The following LRRC37A2 variants were observed in gnomAD, a reference collection of about 807,000 sequenced individuals.
LRRC37A2 encodes leucine rich repeat containing 37 member A2, also known as leucine-rich repeat-containing protein 37A2.
In LRRC37A2, 9 loss-of-function variants were observed where a neutral mutation model predicts 68.8. The ratio of observed to expected loss-of-function variants is 0.13; its 90% confidence interval spans 0.08 to 0.23. LRRC37A2 has a LOEUF of 0.23. Among genes scored for constraint, LRRC37A2 ranks in the 10% least tolerant of loss-of-function variants. LRRC37A2 has a pLI of 1.00. For synonymous variants in LRRC37A2, 63 were observed against 367.6 expected, an observed-to-expected ratio of 0.17 and a Z score of 9.48; for missense variants, 168 against 950.4, an observed-to-expected ratio of 0.18 and a Z score of 10.82.
At chr17:46,735,479 A>T in the LRRC37A2 span, among the ~76,000 whole-genome samples, 1 of 151,988 alleles carries the variant, frequency 6.6e-6, no homozygotes, top group Non-Finnish European at 1.5e-5. Flanking sequence ...AAAAAAAAAA[A>T]AGAAACCTAT....
the LRRC37A2 span, among the ~76,000 whole-genome samples, chr17:46,900,172 T>C: frequency 1.6e-3 from 40 of 25,392 alleles, no homozygotes; most frequent in Non-Finnish European, 2.5e-3. Flanking sequence ...CATATACATA[T>C]ATATATATAT....
the LRRC37A2 span, chr17:46,929,980 T>G: frequency 5.9e-6 from 1 of 170,858 alleles, no homozygotes; most frequent in Non-Finnish European, 1.3e-5. Flanking sequence ...CGAACAGCAA[T>G]ATTAATTAGT....
chr17:46,551,131 A>G (rs2056765212), intron 11 of LRRC37A2, among the ~76,000 whole-genome samples: 1 of 149,828 alleles, frequency 6.7e-6, no homozygotes, highest in African/African-American at 2.5e-5. Context: ...CCTCTGTGAG[A>G]TGTGTCACCA....
the LRRC37A2 span, among the ~76,000 whole-genome samples, chr17:46,776,259 T>A: frequency 6.6e-6 from 1 of 152,310 alleles, no homozygotes; most frequent in Non-Finnish European, 1.5e-5. Context: ...TGGGCCTCCA[T>A]ACTGAGCACA....
At chr17:46,931,582 G>A in the LRRC37A2 span, 2 of 322,776 alleles carry the variant, frequency 6.2e-6, no homozygotes, top group Non-Finnish European at 1.2e-5. Flanking sequence ...ACTTCAATCA[G>A]TCCACCCATA....
the LRRC37A2 span, among the ~76,000 whole-genome samples, chr17:47,037,685 G>A: frequency 2.6e-5 from 4 of 152,316 alleles, no homozygotes; most frequent in Non-Finnish European, 5.9e-5. Flanking sequence ...AAGACTTTAT[G>A]AAGGATTGGT....
At chr17:46,798,497 C>T in the LRRC37A2 span, among the ~76,000 whole-genome samples, 4 of 152,208 alleles carry the variant, frequency 2.6e-5, no homozygotes, top group East Asian at 1.9e-4. Context: ...TCTGCTTAGG[C>T]TTGTGCCAGC....
the LRRC37A2 span, among the ~76,000 whole-genome samples, chr17:46,946,836 C>T: frequency 6.6e-6 from 1 of 152,194 alleles, no homozygotes; most frequent in Non-Finnish European, 1.5e-5. Context: ...GCACTCTAGC[C>T]TGGGTGACGA....
the LRRC37A2 span, among the ~76,000 whole-genome samples, chr17:46,784,657 A>G: frequency 6.6e-6 from 1 of 152,096 alleles, no homozygotes; most frequent in Non-Finnish European, 1.5e-5. Flanking sequence ...GCAGGCGCCC[A>G]GGTCTGGCTT....
chr17:46,708,820 ATAT>A, the LRRC37A2 span, among the ~76,000 whole-genome samples: 4 of 98,550 alleles, frequency 4.1e-5, no homozygotes, highest in Non-Finnish European at 7.6e-5. Context: ...ATATATATAT[ATAT>A]TTTTTTTTTT....
the LRRC37A2 span, among the ~76,000 whole-genome samples, chr17:46,934,610 T>C: frequency 3.4e-4 from 52 of 152,214 alleles, no homozygotes; most frequent in Non-Finnish European, 5.3e-4. Flanking sequence ...ATAAAATAGC[T>C]AAAGGACACG....
the LRRC37A2 span, chr17:46,941,963 T>C: frequency 1.0e-6 from 1 of 985,072 alleles, no homozygotes; most frequent in African/African-American, 1.7e-5. Flanking sequence ...GATGATCACA[T>C]TGGTGTAAAG....
the LRRC37A2 span, among the ~76,000 whole-genome samples, chr17:46,825,945 T>C: frequency 5.3e-5 from 8 of 152,264 alleles, no homozygotes; most frequent in African/African-American, 1.9e-4. Flanking sequence ...ATCACTTGAA[T>C]CCAGGAGGCG....
the LRRC37A2 span, chr17:46,755,722 A>ATTTTTTTTTTTTTTTTTT: frequency 2.1e-6 from 2 of 956,986 alleles, no homozygotes; most frequent in Non-Finnish European, 1.5e-6. Flanking sequence ...GCTTTTAGTG[A>ATTTTTTTTTTTTTTTTTT]TTTTTTTTTT....
chr17:46,935,626 A>T, the LRRC37A2 span: 1 of 1,042,200 alleles, frequency 9.6e-7, no homozygotes, highest in African/African-American at 1.7e-5. Context: ...CCCACTGTGC[A>T]GTGTTAGGGC....
At chr17:46,779,271 C>T in the LRRC37A2 span, among the ~76,000 whole-genome samples, 7 of 152,202 alleles carry the variant, frequency 4.6e-5, no homozygotes, top group African/African-American at 1.7e-4. Context: ...TCCTTGGTTC[C>T]GCTGAGGAAG....
chr17:46,823,165 A>G, the LRRC37A2 span, among the ~76,000 whole-genome samples: 552 of 131,260 alleles, frequency 4.2e-3, 15 homozygotes, highest in Non-Finnish European at 7.1e-3. Context: ...TATATTATAT[A>G]TTATATATTT....
chr17:46,791,547 G>A, the LRRC37A2 span, among the ~76,000 whole-genome samples: 1 of 152,154 alleles, frequency 6.6e-6, no homozygotes, highest in East Asian at 1.9e-4. Context: ...ACTCTGCTCT[G>A]CAGAGCCTCA....
the LRRC37A2 span, among the ~76,000 whole-genome samples, chr17:46,998,128 G>A: frequency 2.0e-4 from 31 of 152,178 alleles, no homozygotes; most frequent in African/African-American, 7.5e-4. Context: ...ACATAAAACA[G>A]TTGGAAATTT....
Sources: gnomAD v4.1 joint callset for allele counts (sites outside exome capture counted in the v4.1 genomes callset) on GRCh38, gnomAD v4.1.1 for gene constraint, MANE v1.5 for transcripts, NCBI Gene and HGNC (gene_info 2026-07-23, HGNC 2026-07-21) for gene names.